The following RASGRF1 variants were observed in gnomAD, a reference collection of about 807,000 sequenced individuals.
RASGRF1 encodes ras-specific guanine nucleotide-releasing factor 1.
Under a neutral mutation model 138.7 loss-of-function variants are expected in RASGRF1, and 40 were observed. The observed-to-expected ratio is 0.29, with a 90% CI of 0.22 to 0.38. The LOEUF (loss-of-function observed/expected upper bound fraction) is 0.38, where lower values mean the gene tolerates loss of function less well. Among genes scored for constraint, RASGRF1 ranks in the 10% least tolerant of loss-of-function variants. The pLI, the probability that RASGRF1 is intolerant of heterozygous loss-of-function variation, is 1.00. For synonymous variants in RASGRF1, 614 were observed against 663.2 expected (o/e 0.93, Z 1.14); for missense variants, 1,108 against 1,650.4 (o/e 0.67, Z 5.69).
At chr15:78,964,182 T>G (rs1045566662) in intron 26 of RASGRF1, among the ~76,000 whole-genome samples, 3 of 150,192 alleles carry the variant, frequency 2.0e-5, no homozygotes, top group Non-Finnish European at 4.4e-5. Flanking sequence ...ATTTATTTAT[T>G]TTTTTTTTTG....
At chr15:79,008,358 G>A (rs540205069) in intron 13 of RASGRF1, among the ~76,000 whole-genome samples, 1 of 152,316 alleles carries the variant, frequency 6.6e-6, no homozygotes, top group East Asian at 1.9e-4. Context: ...AAAAGCACAG[G>A]GCCCGTAAAG....
chr15:79,053,422 G>T (rs1217648756), intron 3 of RASGRF1, among the ~76,000 whole-genome samples: 4 of 152,104 alleles, frequency 2.6e-5, no homozygotes, highest in African/African-American at 9.7e-5. Flanking sequence ...TGCCCTTTAG[G>T]GCCTGTCTTA....
chr15:78,974,902 G>C (rs2141604917), intron 24 of RASGRF1, among the ~76,000 whole-genome samples: 2 of 152,170 alleles, frequency 1.3e-5, no homozygotes, highest in East Asian at 3.9e-4. Context: ...ATTTCTTTTT[G>C]GGAAAAAGTG....
Position 79,032,033 on chromosome 15 carries a change from G to A in RASGRF1, c.1152+90C>T. ...CCCCCTTTGGCAGCCCAGAGCTGGG[G>A]TGCGTTAAGCACTGTGCCCCCACCG... On this transcript the variant is annotated intron_variant, in intron 7 of 26. Coordinates refer to ENST00000558480, the MANE Select transcript of RASGRF1 (RefSeq NM_001145648.3). This position sits in a 1 kb window ranked among gnomAD's most constrained non-coding sequence, Gnocchi z 4.5. 2.1e-6 allele frequency: 3 copies of A among 1,421,912 alleles called. No individual in the cohort carries two copies. The highest frequency in any genetic ancestry group is 2.2e-5 in the Admixed American group (1 of 46,186). The allele number at this position is 1,421,912 out of a possible 1,614,324, so 88.1% of individuals were successfully genotyped here. A position where few individuals can be genotyped will look rare whatever the true frequency, so the allele number is the denominator to read the frequency against.
intron 18 of RASGRF1, 54 bp from the exon 19 acceptor site, chr15:78,998,262 A>C (rs1567480419): frequency 2.1e-6 from 3 of 1,450,738 alleles, no homozygotes; most frequent in Admixed American, 1.7e-5. Flanking sequence ...GCTGCTCTGC[A>C]GTGGTCTGGG....
rs916334547 is a variant in RASGRF1 at position 78,981,034 on chromosome 15, C to G, written c.3415-335G>C. 7 of 212,282 alleles carry G rather than the reference C, an allele frequency of 3.3e-5. No individual in the cohort carries two copies. The South Asian group carries it at 1.1e-3, about 33-fold the overall frequency. The allele number at this position is 212,282 out of a possible 1,614,324, so 13.1% of individuals were successfully genotyped here. A position where few individuals can be genotyped will look rare whatever the true frequency, so the allele number is the denominator to read the frequency against. ...AGTGGGTGACTCCCAGGAGCCTGCG[C>G]TCAGAGCAGGAAATGGCAGATTTTT... On this transcript the variant is annotated intron_variant, in intron 23 of 26. Transcript: ENST00000558480.
intron 7 of RASGRF1, 101 bp from the exon 8 acceptor site, chr15:79,031,610 AAG>A: frequency 3.4e-6 from 1 of 293,766 alleles, no homozygotes; most frequent in African/African-American, 2.3e-5. Flanking sequence ...GAGAGAGAGA[AAG>A]AGGGAGAGGG....
In RASGRF1 at chr15:79,058,395, G is replaced by A. The variant is rs1351808543; in HGVS notation, c.470C>T (p.Ala157Val). The A allele has an allele frequency of 6.2e-7, 1 of 1,614,116 alleles. No individual in the cohort carries two copies. The highest frequency in any genetic ancestry group is 8.5e-7 in the Non-Finnish European group (1 of 1,180,018). Residue 157 changes from alanine (A) to valine (V), a missense_variant, in exon 3 of 27, where the codon GCC (alanine) becomes GTC (valine). By Grantham distance (64) the Ala-to-Val change is moderately conservative. Transcript: ENST00000558480. ...CTCGATCTGCTGCCGAAGCTGCTTG[G>A]CCACGGTCTTCTCTGTCTCCACGAT... Reference protein sequence around the residue: ...LQIVETEKTVAKQLRQQIEDG... With the variant: ...LQIVETEKTVVKQLRQQIEDG...
chr15:78,978,411 G>T, intron 24 of RASGRF1: 1 of 634,892 alleles, frequency 1.6e-6, no homozygotes, highest in Non-Finnish European at 2.0e-6. Context: ...TTTCAGTAGA[G>T]ACAGGGTTTT....
At chr15:79,052,102 A>C (rs1204947337) in intron 3 of RASGRF1, among the ~76,000 whole-genome samples, 1 of 152,020 alleles carries the variant, frequency 6.6e-6, no homozygotes, top group African/African-American at 2.4e-5. Context: ...GGCCGACTCC[A>C]CACCTGGCTC....
intron 23 of RASGRF1, chr15:78,984,496 A>T (rs2056104585): frequency 4.7e-6 from 1 of 214,624 alleles, no homozygotes; most frequent in African/African-American, 2.3e-5. Context: ...TTGAGCACAC[A>T]TTTAAGGTGA....
intron 11 of RASGRF1, 47 bp downstream of exon 11, chr15:79,019,994 G>A (rs1185146358): frequency 1.6e-5 from 26 of 1,602,914 alleles, no homozygotes; most frequent in Non-Finnish European, 2.1e-5. Flanking sequence ...GAGCGTGTGT[G>A]TATCTGTGCA....
chr15:79,026,286 C>G (rs1024713711), intron 9 of RASGRF1, among the ~76,000 whole-genome samples: 3 of 152,206 alleles, frequency 2.0e-5, no homozygotes, highest in Non-Finnish European at 2.9e-5. Context: ...AGTTCTGGGT[C>G]AAGTTAGCCT....
intron 11 of RASGRF1, among the ~76,000 whole-genome samples, chr15:79,018,252 G>T (rs2056909177): frequency 6.6e-6 from 1 of 152,256 alleles, no homozygotes; most frequent in Non-Finnish European, 1.5e-5. Context: ...CCAAGCCAGG[G>T]CAGGGCTAGA....
intron 8 of RASGRF1, among the ~76,000 whole-genome samples, chr15:79,030,809 A>G (rs935919400): frequency 1.3e-5 from 2 of 152,212 alleles, no homozygotes; most frequent in Non-Finnish European, 2.9e-5. Context: ...CTGGATGACC[A>G]CAGTCATCTG....
At chr15:78,990,381 C>T (rs2056244381) in intron 21 of RASGRF1, 108 bp from the exon 22 acceptor site, 1 of 743,278 alleles carries the variant, frequency 1.3e-6, no homozygotes, top group African/African-American at 1.7e-5. Context: ...GCTGTCATTT[C>T]TGGGGGAACA....
Position 79,011,362 on chromosome 15 carries a change from A to C in RASGRF1, c.1826+3965T>G, listed in dbSNP as rs115836336. Among the ~76,000 whole-genome samples the C allele has an allele frequency of 3.0e-3, 463 of 152,324 alleles. 1 individual carries two copies. Among genetic ancestry groups the C allele is most frequent in the African/African-American group, 0.011 (446 of 41,564 alleles). On this transcript the variant is annotated intron_variant, in intron 13 of 26. Transcript: ENST00000558480. ...TAAGTACAGAAGATTTATACTAGAC[A>C]CAGTATACCAAGGAGAGCACCTACA... is the stretch of plus-strand genomic sequence containing the variant.
intron 26 of RASGRF1, among the ~76,000 whole-genome samples, chr15:78,967,714 T>C (rs947780899): frequency 3.3e-5 from 5 of 152,220 alleles, no homozygotes; most frequent in African/African-American, 1.2e-4. Flanking sequence ...GCTTTTACTG[T>C]TGTCTGTTTT....
intron 18 of RASGRF1, 42 bp from the exon 19 acceptor site, chr15:78,998,250 G>T: frequency 6.5e-7 from 1 of 1,531,054 alleles, no homozygotes; most frequent in Non-Finnish European, 9.1e-7. Flanking sequence ...TACTGTTTTT[G>T]AGCTGCTCTG....
Sources: gnomAD v4.1 joint callset for allele counts (sites outside exome capture counted in the v4.1 genomes callset) on GRCh38, gnomAD v4.1.1 for gene constraint, Gnocchi (gnomAD v3.1) non-coding constraint, MANE v1.5 for transcripts, NCBI Gene and HGNC (gene_info 2026-07-23, HGNC 2026-07-21) for gene names.